OPCML: variants seen among roughly 807,000 people sequenced by gnomAD.
OPCML encodes the protein opioid-binding protein/cell adhesion molecule.
A neutral mutation model predicts 37.8 loss-of-function variants in OPCML; 13 were observed. The observed-to-expected ratio is 0.34, with a 90% CI of 0.22 to 0.55. OPCML has a LOEUF of 0.55. Among genes scored for constraint, OPCML ranks in the 20% least tolerant of loss-of-function variants. The probability of loss-of-function intolerance (pLI) is 0.91; values close to 1 mark genes in which losing one functional copy is unlikely to be tolerated. For synonymous variants in OPCML, 176 were observed against 168.8 expected, an observed-to-expected ratio of 1.04 and a Z score of -0.33; for missense variants, 341 against 435.6, an observed-to-expected ratio of 0.78 and a Z score of 1.93.
At chr11:132,948,050 TGTC>T (rs1945783663) in intron 1 of OPCML, among the ~76,000 whole-genome samples, 1 of 152,248 alleles carries the variant, frequency 6.6e-6, no homozygotes, top group Admixed American at 6.5e-5. Flanking sequence ...GATGCTGACT[TGTC>T]ATCTCTCTAG....
At chr11:132,967,707 C>T (rs185617688) in intron 1 of OPCML, among the ~76,000 whole-genome samples, 2 of 152,086 alleles carry the variant, frequency 1.3e-5, no homozygotes, top group Non-Finnish European at 2.9e-5. Flanking sequence ...CTTTTATAAT[C>T]GCATAATTAC....
chr11:132,635,536 A>G (rs1411511997), intron 3 of OPCML, among the ~76,000 whole-genome samples: 1 of 151,528 alleles, frequency 6.6e-6, no homozygotes, highest in East Asian at 1.9e-4. Context: ...TTCAAGGAAA[A>G]AAAAAAAAAA....
intron 1 of OPCML, among the ~76,000 whole-genome samples, chr11:133,216,441 G>T (rs897964147): frequency 1.3e-5 from 2 of 152,150 alleles, no homozygotes; most frequent in Admixed American, 1.3e-4. Context: ...AGTGCTACCA[G>T]CCCCCACCCT....
At chr11:132,522,080 T>C (rs1421466359) in intron 4 of OPCML, among the ~76,000 whole-genome samples, 2 of 152,218 alleles carry the variant, frequency 1.3e-5, no homozygotes, top group Non-Finnish European at 2.9e-5. Context: ...AATCATACAA[T>C]ATGCAACCTT....
intron 4 of OPCML, among the ~76,000 whole-genome samples, chr11:132,524,026 T>TA (rs1565635868): frequency 1.3e-5 from 2 of 152,158 alleles, no homozygotes; most frequent in African/African-American, 4.8e-5. Context: ...ATCTAGCCTT[T>TA]CCAAATATGT....
intron 3 of OPCML, among the ~76,000 whole-genome samples, chr11:132,656,299 T>C (rs1941705713): frequency 6.6e-6 from 1 of 152,222 alleles, no homozygotes; most frequent in South Asian, 2.1e-4. Context: ...TGCATGTGTT[T>C]TTAATTCTTA....
chr11:132,486,556 C>T (rs369109746), intron 4 of OPCML, among the ~76,000 whole-genome samples: 2 of 152,180 alleles, frequency 1.3e-5, no homozygotes, highest in African/African-American at 4.8e-5. Context: ...ATTCAAACCC[C>T]ACCAAAATCC....
chr11:132,505,987 A>C (rs1290593118), intron 4 of OPCML, among the ~76,000 whole-genome samples: 1 of 151,632 alleles, frequency 6.6e-6, no homozygotes, highest in Non-Finnish European at 1.5e-5. Flanking sequence ...AAGAATTTTC[A>C]ACCTCACAGA....
At chr11:133,420,527 C>G (rs1026881274) in intron 1 of OPCML, 1 of 982,870 alleles carries the variant, frequency 1.0e-6, no homozygotes, top group African/African-American at 1.8e-5. Context: ...ACAACTTATT[C>G]TAATTTAGAT....
chr11:133,075,665 CAATTT>C (rs1565433574), intron 1 of OPCML, among the ~76,000 whole-genome samples: 1 of 152,166 alleles, frequency 6.6e-6, no homozygotes, highest in African/African-American at 2.4e-5. Context: ...AGAGATCTGA[CAATTT>C]AATCAGGAGG....
chr11:132,804,163 A>T lies in OPCML; in HGVS notation c.146+138763T>A, dbSNP rs573585267. On this transcript the variant is annotated intron_variant, in intron 2 of 7. Coordinates refer to ENST00000524381, the MANE Select transcript of OPCML (RefSeq NM_001012393.5). ...CACAGTTCGCCAGGTTTCTACCTGG[A>T]GACAGTTTCCCAACCACATTGCAGG... Among the ~76,000 whole-genome samples, 25 of 152,268 alleles carry T rather than the reference A, an allele frequency of 1.6e-4. No individual in the cohort carries two copies. The East Asian group carries it at 4.1e-3, about 25-fold the overall frequency.
In OPCML at chr11:132,898,975, A is replaced by G. The variant is rs182530216; in HGVS notation, c.146+43951T>C. 5.7e-4 allele frequency among the ~76,000 whole-genome samples: 87 copies of G among 152,262 alleles called. 1 individual carries two copies. Among genetic ancestry groups the G allele is most frequent in the African/African-American group, 2.0e-3 (84 of 41,558 alleles). On this transcript the variant is annotated intron_variant, in intron 2 of 7. Transcript: ENST00000524381. Reference sequence around the variant, plus strand: ...TACTCCACTGGATGTAAGGAAGACTATGCCTGGAATACAGGAGATCCCTTA... The same window carrying G: ...TACTCCACTGGATGTAAGGAAGACTGTGCCTGGAATACAGGAGATCCCTTA...
intron 4 of OPCML, among the ~76,000 whole-genome samples, chr11:132,444,710 A>G (rs1449403982): frequency 6.6e-6 from 1 of 151,122 alleles, no homozygotes; most frequent in Non-Finnish European, 1.5e-5. Context: ...TCTGCCCCAC[A>G]TTTTCTGTCC....
At chr11:133,329,130 T>G (rs896793850) in intron 1 of OPCML, among the ~76,000 whole-genome samples, 2 of 152,102 alleles carry the variant, frequency 1.3e-5, no homozygotes, top group African/African-American at 4.8e-5. Context: ...TTACAAGGGA[T>G]GTGAAGGACC....
At chr11:133,512,672 C>G (rs77977771) in intron 1 of OPCML, among the ~76,000 whole-genome samples, 1 of 152,092 alleles carries the variant, frequency 6.6e-6, no homozygotes, top group African/African-American at 2.4e-5. Context: ...AGGAGCCTAC[C>G]AAAGAGTTGC....
intron 1 of OPCML, chr11:133,418,212 G>A (rs1945809293): frequency 1.0e-6 from 1 of 985,270 alleles, no homozygotes; most frequent in Non-Finnish European, 1.2e-6. Context: ...CCACCTGATA[G>A]GTGTGGTGAT....
intron 1 of OPCML, chr11:133,008,089 A>T: frequency 1.0e-6 from 1 of 985,458 alleles, no homozygotes. Flanking sequence ...TGGATTCTCC[A>T]AGGTTTTCAC....
At chr11:133,425,821 T>C (rs1233207057) in intron 1 of OPCML, among the ~76,000 whole-genome samples, 1 of 152,206 alleles carries the variant, frequency 6.6e-6, no homozygotes, top group Non-Finnish European at 1.5e-5. Flanking sequence ...GATTTAACTA[T>C]TTTTAATATT....
At chr11:133,094,516 C>T (rs961101085) in intron 1 of OPCML, among the ~76,000 whole-genome samples, 1 of 152,160 alleles carries the variant, frequency 6.6e-6, no homozygotes, top group African/African-American at 2.4e-5. Flanking sequence ...GAGCAGGTGA[C>T]AAATGGTATT....
Sources: allele counts gnomAD v4.1 joint callset (sites outside exome capture counted in the v4.1 genomes callset), GRCh38; gene constraint gnomAD v4.1.1; transcripts MANE v1.5; gene names NCBI Gene and HGNC (gene_info 2026-07-23, HGNC 2026-07-21).